Variants in OSBPL5 observed in about 807,000 individuals in gnomAD.
OSBPL5 encodes oxysterol-binding protein-related protein 5.
Under a neutral mutation model 111.2 loss-of-function variants are expected in OSBPL5, and 71 were observed. That is an observed-to-expected ratio of 0.64 (90% CI 0.53 to 0.78). The LOEUF (loss-of-function observed/expected upper bound fraction) is 0.78. OSBPL5 is among the 30% of genes least tolerant of loss of function. OSBPL5 has a pLI of 0.00. For missense variants in OSBPL5, 1,210 were observed against 1,189.3 expected (o/e 1.02, Z -0.26); for synonymous variants, 549 against 513.9 (o/e 1.07, Z -0.93).
At chr11:3,131,105 C>A (rs995038165) in intron 1 of OSBPL5, among the ~76,000 whole-genome samples, 1 of 152,128 alleles carries the variant, frequency 6.6e-6, no homozygotes, top group Non-Finnish European at 1.5e-5. Flanking sequence ...CTAGCCTCAG[C>A]TGCCCTGTCT....
intron 14 of OSBPL5, among the ~76,000 whole-genome samples, chr11:3,098,495 ATTTTTTTT>A (rs552382553): frequency 7.4e-5 from 6 of 81,196 alleles, no homozygotes; most frequent in East Asian, 5.5e-4. Flanking sequence ...ACATGAAGGA[ATTTTTTTT>A]TTTTTTTTTT....
chr11:3,093,931 G>T, intron 15 of OSBPL5, 96 bp from the exon 16 acceptor site: 1 of 1,434,772 alleles, frequency 7.0e-7, no homozygotes, highest in Non-Finnish European at 9.4e-7. Flanking sequence ...TTCTCTTGGG[G>T]TGCCTGGGAG....
At position 3,120,448 on chromosome 11, in the gene OSBPL5, C is replaced by T. The variant is rs750572170; in HGVS notation, c.579G>A (p.Pro193=). 74 of 1,613,052 alleles carry T rather than the reference C, an allele frequency of 4.6e-5. No homozygotes were observed. Among genetic ancestry groups the T allele is most frequent in the Admixed American group, 4.2e-4 (25 of 59,998 alleles). The change falls in exon 6 of 22, where the codon CCG becomes CCA. Residue 193 remains proline (P), a synonymous_variant. Coordinates refer to ENST00000263650, the MANE Select transcript of OSBPL5 (RefSeq NM_020896.4). ...KDGFCFKLFH[P]LDQSVWAVKG... ...TCACGGCCCAGACGGACTGATCCAGCGGGTGGAAGAGCTTGAAGCAGAAGC... is the reference window on the plus strand; with the variant it reads ...TCACGGCCCAGACGGACTGATCCAGTGGGTGGAAGAGCTTGAAGCAGAAGC...
intron 1 of OSBPL5, among the ~76,000 whole-genome samples, chr11:3,158,941 G>A (rs1259671485): frequency 1.3e-5 from 2 of 152,326 alleles, no homozygotes; most frequent in Non-Finnish European, 2.9e-5. Flanking sequence ...AGCCCCGCAG[G>A]TGTGGGGGTT....
intron 1 of OSBPL5, 145 bp from the exon 2 acceptor site, chr11:3,129,314 T>C (rs1858745927): frequency 1.4e-6 from 1 of 712,902 alleles, no homozygotes. Context: ...CCTGGGAGCC[T>C]GGTGGTGGGT....
Position 3,164,891 on chromosome 11 carries a change from A to T in OSBPL5, c.-22+325T>A, listed in dbSNP as rs574362471. ...GGTCCCGGCTCCTTTAAGCCCCACC[A>T]AGTGGGGAGCCGAGCTGGGCGCGCC... On this transcript the variant is annotated intron_variant, in intron 1 of 21. Coordinates refer to ENST00000263650, the MANE Select transcript of OSBPL5 (RefSeq NM_020896.4). Among the ~76,000 whole-genome samples, 14 of 152,076 alleles carry T rather than the reference A, an allele frequency of 9.2e-5. No homozygotes were observed. The East Asian group carries it at 2.7e-3, about 30-fold the overall frequency.
At chr11:3,153,763 G>A (rs1299255133) in intron 1 of OSBPL5, among the ~76,000 whole-genome samples, 1 of 152,272 alleles carries the variant, frequency 6.6e-6, no homozygotes, top group African/African-American at 2.4e-5. Flanking sequence ...GGGAAGCACA[G>A]CCCCAAGTTG....
intron 13 of OSBPL5, 116 bp downstream of exon 13, chr11:3,101,487 G>T: frequency 2.1e-6 from 2 of 958,282 alleles, no homozygotes; most frequent in Non-Finnish European, 3.2e-6. Flanking sequence ...ACTAGGAGGG[G>T]TTGGGAGGGA....
chr11:3,163,817 C>A (rs985680913), intron 1 of OSBPL5: 1 of 152,232 alleles, frequency 6.6e-6, no homozygotes, highest in African/African-American at 2.4e-5. Context: ...CAGCCCCACA[C>A]GCGTGCAGGC....
At chr11:3,123,658 C>G (rs1392958156) in intron 3 of OSBPL5, among the ~76,000 whole-genome samples, 1 of 152,236 alleles carries the variant, frequency 6.6e-6, no homozygotes, top group Non-Finnish European at 1.5e-5. Context: ...TCCCTCAGGC[C>G]TTCTCCTGGC....
intron 7 of OSBPL5, among the ~76,000 whole-genome samples, chr11:3,114,902 G>A (rs923927377): frequency 6.6e-6 from 1 of 151,940 alleles, no homozygotes; most frequent in South Asian, 2.1e-4. Context: ...GCACCTGGCC[G>A]ACATTTTCTT....
intron 1 of OSBPL5, among the ~76,000 whole-genome samples, chr11:3,152,240 T>C (rs748258211): frequency 5.9e-5 from 9 of 152,234 alleles, no homozygotes; most frequent in Non-Finnish European, 1.0e-4. Context: ...TTCGTGTTCA[T>C]GGTGCGTGTT....
At chr11:3,095,393 C>G (rs1193174485) in intron 14 of OSBPL5, among the ~76,000 whole-genome samples, 7 of 151,756 alleles carry the variant, frequency 4.6e-5, no homozygotes, top group Admixed American at 2.0e-4. Flanking sequence ...AATATTATTT[C>G]CTAGTGAAGG....
intron 1 of OSBPL5, among the ~76,000 whole-genome samples, chr11:3,150,051 G>GGC (rs1846524704): frequency 6.6e-6 from 1 of 152,080 alleles, no homozygotes; most frequent in Non-Finnish European, 1.5e-5. Context: ...CACACACACA[G>GGC]ACACACACGT....
At position 3,089,880 on chromosome 11, in the gene OSBPL5, G is replaced by C. The variant is rs1227879264; in HGVS notation, c.2467C>G (p.Leu823Val). 1 of 1,565,360 alleles carries C rather than the reference G, an allele frequency of 6.4e-7. No homozygotes were observed. Among genetic ancestry groups the C allele is most frequent in the Non-Finnish European group, 8.7e-7 (1 of 1,155,452 alleles). ...TCCTGCTGGGCCTCTCGGATGGAGA[G>C]GATGGCCTCGTGCAGGGCCTGCAGC... is the stretch of plus-strand genomic sequence containing the variant. ...RRLQALHEAILSIREAQQELH... is the reference protein window; with the variant it reads ...RRLQALHEAIVSIREAQQELH... Residue 823 changes from leucine (L) to valine (V), a missense_variant, in exon 21 of 22, where the codon CTC becomes GTC. Leu to Val is a conservative substitution (Grantham distance 32). Coordinates refer to ENST00000263650, the MANE Select transcript of OSBPL5 (RefSeq NM_020896.4).
intron 1 of OSBPL5, among the ~76,000 whole-genome samples, chr11:3,145,167 G>A (rs998170754): frequency 5.9e-5 from 9 of 152,206 alleles, no homozygotes; most frequent in African/African-American, 2.2e-4. Context: ...GTGCCCGCCT[G>A]GATTTGACGA....
At chr11:3,101,837 G>A in intron 12 of OSBPL5, 138 bp from the exon 13 acceptor site, 1 of 738,054 alleles carries the variant, frequency 1.4e-6, no homozygotes, top group Non-Finnish European at 2.2e-6. Context: ...TCGGGTAGGG[G>A]CCTTCCTGGC....
chr11:3,157,585 T>G (rs1179655976), intron 1 of OSBPL5, among the ~76,000 whole-genome samples: 1 of 152,200 alleles, frequency 6.6e-6, no homozygotes, highest in African/African-American at 2.4e-5. Flanking sequence ...AGCCCTGTGC[T>G]CAGCAGGTGG....
At chr11:3,119,212 T>C (rs1858314965) in intron 7 of OSBPL5, among the ~76,000 whole-genome samples, 1 of 151,756 alleles carries the variant, frequency 6.6e-6, no homozygotes, top group Non-Finnish European at 1.5e-5. Flanking sequence ...GGTTTCACCA[T>C]GTTGGCCAGG....
Sources: gnomAD v4.1 joint callset for allele counts (sites outside exome capture counted in the v4.1 genomes callset) on GRCh38, gnomAD v4.1.1 for gene constraint, MANE v1.5 for transcripts, NCBI Gene and HGNC (gene_info 2026-07-23, HGNC 2026-07-21) for gene names.